The following LIMD1 variants were observed in gnomAD, a reference collection of about 807,000 sequenced individuals.
The protein encoded by LIMD1 is LIM domain containing 1.
In LIMD1, 23 loss-of-function variants were observed where a neutral mutation model predicts 58.4. The observed-to-expected ratio is 0.39, with a 90% CI of 0.28 to 0.56. The LOEUF is 0.56. Ranked by LOEUF, LIMD1 falls within the 20% of genes least tolerant of loss-of-function variation. LIMD1 has a pLI of 0.57. For synonymous variants in LIMD1, 334 were observed against 345.5 expected (o/e 0.97, Z 0.37); for missense variants, 838 against 855.5 (o/e 0.98, Z 0.25).
chr3:45,678,959 T>G lies in LIMD1; in HGVS notation c.*1900T>G, dbSNP rs1017442167. 8.5e-5 allele frequency: 13 copies of G among 152,212 alleles called. No individual in the cohort carries two copies. The highest frequency in any genetic ancestry group is 1.8e-4 in the Non-Finnish European group (12 of 68,068). The allele number at this position is 152,212 out of a possible 1,614,324, so 9.4% of individuals were successfully genotyped here. A position where few individuals can be genotyped will look rare whatever the true frequency, so the allele number is the denominator to read the frequency against. ...CCTGAAAACCCATGAACGCTGGGGCTGGGGAAGTGAACCCTGAGGTGGGGA... is the reference window on the plus strand; with the variant it reads ...CCTGAAAACCCATGAACGCTGGGGCGGGGGAAGTGAACCCTGAGGTGGGGA... On this transcript the variant is annotated 3_prime_UTR_variant, in exon 8 of 8. Coordinates refer to ENST00000273317, the MANE Select transcript of LIMD1 (RefSeq NM_014240.3).
At chr3:45,597,782 G>A (rs1394197639) in intron 1 of LIMD1, among the ~76,000 whole-genome samples, 1 of 152,110 alleles carries the variant, frequency 6.6e-6, no homozygotes, top group African/African-American at 2.4e-5. Flanking sequence ...TATTCTCCGT[G>A]AACGAGCAAG....
At chr3:45,633,359 C>T (rs1354521899) in intron 1 of LIMD1, among the ~76,000 whole-genome samples, 1 of 152,144 alleles carries the variant, frequency 6.6e-6, no homozygotes, top group Non-Finnish European at 1.5e-5. Flanking sequence ...TGTCAAAACT[C>T]ATTGAATGGT....
intron 1 of LIMD1, among the ~76,000 whole-genome samples, chr3:45,612,473 A>G (rs140970900): frequency 6.6e-6 from 1 of 152,234 alleles, no homozygotes; most frequent in East Asian, 1.9e-4. Context: ...GTGCTCTATT[A>G]CTTTAAGCAT....
intron 1 of LIMD1, among the ~76,000 whole-genome samples, chr3:45,621,346 CA>C (rs1291510530): frequency 3.3e-5 from 5 of 152,196 alleles, no homozygotes; most frequent in African/African-American, 1.2e-4. Context: ...CCTCCCACTT[CA>C]GCCTCCCAAG....
At chr3:45,625,634 A>G (rs993169664) in intron 1 of LIMD1, among the ~76,000 whole-genome samples, 1 of 152,232 alleles carries the variant, frequency 6.6e-6, no homozygotes, top group South Asian at 2.1e-4. Context: ...TGATTAGGTC[A>G]TGAAGACTCT....
chr3:45,618,553 T>C (rs1470072333), intron 1 of LIMD1, among the ~76,000 whole-genome samples: 1 of 152,120 alleles, frequency 6.6e-6, no homozygotes, highest in Non-Finnish European at 1.5e-5. Flanking sequence ...GTTTTATCTT[T>C]TTATGAATTC....
rs1697783489 is a variant in LIMD1, at chr3:45,684,399, A to G, written c.*7340A>G. On this transcript the variant is annotated 3_prime_UTR_variant, in exon 8 of 8. Transcript: ENST00000273317. ...GGAAGCCAGACTCCATGACATACAA[A>G]TAGATCAAAGTGAATCGGCTCCGTT... is the stretch of plus-strand genomic sequence containing the variant. The G allele has an allele frequency of 6.6e-6, 1 of 152,248 alleles. No homozygotes were observed. Among genetic ancestry groups the G allele is most frequent in the African/African-American group, 2.4e-5 (1 of 41,458 alleles). 9.4% of individuals were successfully genotyped at this position (152,248 alleles called of 1,614,324 possible).
chr3:45,658,466 G>C (rs949415471), intron 2 of LIMD1, among the ~76,000 whole-genome samples: 2 of 148,132 alleles, frequency 1.4e-5, no homozygotes, highest in Non-Finnish European at 3.0e-5. Flanking sequence ...GTAAATCTTT[G>C]GGAAAGTGTA....
intron 6 of LIMD1, 76 bp downstream of exon 6, chr3:45,673,581 A>T (rs748363851): frequency 2.6e-5 from 31 of 1,188,218 alleles, no homozygotes; most frequent in Non-Finnish European, 2.9e-5. Context: ...TACAAGATCC[A>T]TGTCCTGTCC....
chr3:45,663,147 C>G (rs575578421), intron 2 of LIMD1, among the ~76,000 whole-genome samples: 1 of 152,354 alleles, frequency 6.6e-6, no homozygotes, highest in East Asian at 1.9e-4. Context: ...TTCATTTTGA[C>G]TGCTGTCTGG....
chr3:45,594,778 AACACACACACACACACAC>A lies in LIMD1; in HGVS notation c.-53_-36del, dbSNP rs57091993. 8,411 of 730,562 alleles carry A rather than the reference AACACACACACACACACAC, an allele frequency of 0.012. 75 individuals are homozygous for A. Among genetic ancestry groups the A allele is most frequent in the African/African-American group, 0.023 (860 of 37,948 alleles). 45.3% of individuals were successfully genotyped at this position (730,562 alleles called of 1,614,324 possible). ...TCGCCAGCATCTCCCCGCTGCCCTC[AACACACACACACACACAC>A]ACACACACACACACACACACACACA... On this transcript the variant is annotated 5_prime_UTR_variant, in exon 1 of 8. Coordinates refer to ENST00000273317, the MANE Select transcript of LIMD1 (RefSeq NM_014240.3).
At chr3:45,620,922 C>T (rs962350406) in intron 1 of LIMD1, among the ~76,000 whole-genome samples, 30 of 152,202 alleles carry the variant, frequency 2.0e-4, no homozygotes, top group African/African-American at 4.1e-4. Context: ...ATGTTCTATT[C>T]TGCATGTTGA....
At chr3:45,672,964 C>T in intron 5 of LIMD1, 144 bp downstream of exon 5, 1 of 892,772 alleles carries the variant, frequency 1.1e-6, no homozygotes, top group Non-Finnish European at 1.7e-6. Flanking sequence ...TTGAGGGGTA[C>T]AGCAGGGACC....
chr3:45,663,459 A>G (rs966924497), intron 2 of LIMD1, among the ~76,000 whole-genome samples: 6 of 152,210 alleles, frequency 3.9e-5, no homozygotes, highest in African/African-American at 1.2e-4. Context: ...AAGACATGCT[A>G]TTAGATTTAG....
At chr3:45,647,628 T>C (rs1701920240) in intron 2 of LIMD1, among the ~76,000 whole-genome samples, 1 of 152,220 alleles carries the variant, frequency 6.6e-6, no homozygotes, top group Non-Finnish European at 1.5e-5. Context: ...CGTCTCTGTC[T>C]CTTGCATGGA....
At chr3:45,604,014 G>A (rs1559513075) in intron 1 of LIMD1, among the ~76,000 whole-genome samples, 1 of 152,206 alleles carries the variant, frequency 6.6e-6, no homozygotes, top group East Asian at 1.9e-4. Flanking sequence ...AGGATCAGCT[G>A]TCTGATTTCT....
chr3:45,618,754 G>C (rs370094659), intron 1 of LIMD1, among the ~76,000 whole-genome samples: 1 of 152,068 alleles, frequency 6.6e-6, no homozygotes, highest in Non-Finnish European at 1.5e-5. Flanking sequence ...AACGATGCCC[G>C]AGGTCAGATC....
intron 1 of LIMD1, among the ~76,000 whole-genome samples, chr3:45,619,396 C>T (rs572832122): frequency 6.6e-6 from 1 of 152,314 alleles, no homozygotes; most frequent in East Asian, 1.9e-4. Flanking sequence ...AAATAATTTT[C>T]AGTATAAATA....
At chr3:45,625,928 G>T (rs1377745125) in intron 1 of LIMD1, among the ~76,000 whole-genome samples, 1 of 152,202 alleles carries the variant, frequency 6.6e-6, no homozygotes, top group Non-Finnish European at 1.5e-5. Flanking sequence ...CCAGAGCCCT[G>T]CCCTGGCTTA....
Sources: gnomAD v4.1 joint callset for allele counts (sites outside exome capture counted in the v4.1 genomes callset) on GRCh38, gnomAD v4.1.1 for gene constraint, MANE v1.5 for transcripts, NCBI Gene and HGNC (gene_info 2026-07-23, HGNC 2026-07-21) for gene names.